Variants in DPYD observed in about 807,000 individuals in gnomAD.
DPYD encodes the protein dihydropyrimidine dehydrogenase, also known as dihydropyrimidine dehydrogenase [NADP(+)].
A neutral mutation model predicts 116.2 loss-of-function variants in DPYD; 109 were observed. The ratio of observed to expected loss-of-function variants is 0.94; its 90% CI spans 0.80 to 1.10. The LOEUF is 1.10. Among genes scored for constraint, DPYD ranks in the 50% least tolerant of loss-of-function variants. The pLI is 0.00. For missense variants in DPYD, 1,302 were observed against 1,254.5 expected, an observed-to-expected ratio of 1.04 and a Z score of -0.57; for synonymous variants, 440 against 432.0, an observed-to-expected ratio of 1.02 and a Z score of -0.23.
chr1:97,744,822 C>A lies in DPYD; in HGVS notation c.234-4343G>T, dbSNP rs552922523. Among the ~76,000 whole-genome samples, 182 of 151,938 alleles carry A rather than the reference C, an allele frequency of 1.2e-3. 1 individual carries two copies. Among genetic ancestry groups the A allele is most frequent in the Admixed American group, 2.6e-3 (40 of 15,222 alleles). ...TGCAACATGTCTACTGAAAACTGAG[C>A]AGAATCAACTATCAGGTTGAAAAGA... is the stretch of plus-strand genomic sequence containing the variant. On this transcript the variant is annotated intron_variant, in intron 3 of 22. Transcript: ENST00000370192.
intron 20 of DPYD, among the ~76,000 whole-genome samples, chr1:97,140,028 T>G (rs11586728): frequency 0.27 from 40,690 of 151,812 alleles, 6,053 homozygotes; most frequent in East Asian, 0.59. Flanking sequence ...TGACATTTTT[T>G]TTTTTTTTTA....
intron 10 of DPYD, among the ~76,000 whole-genome samples, chr1:97,592,478 T>C (rs1654589538): frequency 6.6e-6 from 1 of 152,182 alleles, no homozygotes; most frequent in Non-Finnish European, 1.5e-5. Flanking sequence ...GCCATTCTCC[T>C]GCCTCAGCCT....
chr1:97,724,917 A>AAG (rs1414036617), intron 4 of DPYD, among the ~76,000 whole-genome samples: 3 of 138,798 alleles, frequency 2.2e-5, no homozygotes, highest in Non-Finnish European at 3.1e-5. Context: ...GATAGAGAAG[A>AAG]AGAGAGAGAG....
chr1:97,185,501 C>T (rs1442323262), intron 20 of DPYD, among the ~76,000 whole-genome samples: 1 of 152,058 alleles, frequency 6.6e-6, no homozygotes, highest in African/African-American at 2.4e-5. Flanking sequence ...GAAATGAAAA[C>T]ATGTTCACAA....
intron 20 of DPYD, among the ~76,000 whole-genome samples, chr1:97,149,670 T>C (rs993987291): frequency 5.9e-5 from 9 of 152,174 alleles, no homozygotes; most frequent in African/African-American, 2.2e-4. Flanking sequence ...AAAGTAAAAA[T>C]CCAAGCCTCC....
chr1:97,578,403 A>G (rs1314072197), intron 10 of DPYD, among the ~76,000 whole-genome samples: 2 of 152,094 alleles, frequency 1.3e-5, no homozygotes, highest in African/African-American at 4.8e-5. Context: ...ACTGGGCATC[A>G]TCATGATTTT....
At chr1:97,911,139 G>A (rs899034759) in intron 1 of DPYD, among the ~76,000 whole-genome samples, 1 of 151,990 alleles carries the variant, frequency 6.6e-6, no homozygotes, top group African/African-American at 2.4e-5. Flanking sequence ...GCTGCTAGCA[G>A]CTATATTAAT....
chr1:97,907,593 A>G (rs1009263100), intron 1 of DPYD, among the ~76,000 whole-genome samples: 25 of 152,094 alleles, frequency 1.6e-4, no homozygotes, highest in African/African-American at 5.8e-4. Flanking sequence ...TTCAACTACA[A>G]AAATTTGAAT....
At chr1:97,088,665 T>C (rs1649690557) in intron 21 of DPYD, among the ~76,000 whole-genome samples, 1 of 152,122 alleles carries the variant, frequency 6.6e-6, no homozygotes, top group Non-Finnish European at 1.5e-5. Flanking sequence ...CATGCATGTG[T>C]ATAATTTTTT....
chr1:97,882,107 T>G (rs1176898708), intron 2 of DPYD, among the ~76,000 whole-genome samples: 1 of 151,956 alleles, frequency 6.6e-6, no homozygotes, highest in Non-Finnish European at 1.5e-5. Flanking sequence ...CGTCATGGCT[T>G]GTAAGTGGCC....
At chr1:97,775,701 C>G (rs561297542) in intron 3 of DPYD, among the ~76,000 whole-genome samples, 1 of 152,118 alleles carries the variant, frequency 6.6e-6, no homozygotes, top group Non-Finnish European at 1.5e-5. Context: ...AATCTGTCTT[C>G]CTCCTCAGGA....
At chr1:97,794,561 T>A (rs1196612842) in intron 3 of DPYD, among the ~76,000 whole-genome samples, 1 of 152,198 alleles carries the variant, frequency 6.6e-6, no homozygotes, top group African/African-American at 2.4e-5. Flanking sequence ...AAATCTCTAT[T>A]TTAAAAAGCT....
chr1:97,571,061 G>A (rs2786543), intron 11 of DPYD, among the ~76,000 whole-genome samples: 18,387 of 151,994 alleles, frequency 0.12, 1,241 homozygotes, highest in Middle Eastern at 0.15. Context: ...TCATTTATAT[G>A]TCTTGAGGAA....
At chr1:97,822,985 T>C (rs1188508208) in intron 3 of DPYD, among the ~76,000 whole-genome samples, 4 of 152,226 alleles carry the variant, frequency 2.6e-5, no homozygotes, top group African/African-American at 9.6e-5. Flanking sequence ...CCCATTTGCA[T>C]AAGTTTTTTA....
At chr1:97,195,519 G>GGA (rs3050245) in intron 19 of DPYD, among the ~76,000 whole-genome samples, 1,200 of 74,988 alleles carry the variant, frequency 0.016, 35 homozygotes, top group African/African-American at 0.026. Context: ...AATGGGATAA[G>GGA]GAGAGAGAGA....
At chr1:97,762,372 GTTA>G (rs1239090224) in intron 3 of DPYD, among the ~76,000 whole-genome samples, 3 of 152,046 alleles carry the variant, frequency 2.0e-5, no homozygotes, top group African/African-American at 7.2e-5. Flanking sequence ...AGCCATTAAG[GTTA>G]TTATTCAGAG....
At chr1:97,824,927 TCA>T (rs1491136066) in intron 3 of DPYD, among the ~76,000 whole-genome samples, 2 of 152,084 alleles carry the variant, frequency 1.3e-5, no homozygotes, top group Non-Finnish European at 2.9e-5. Context: ...ACATCAACTC[TCA>T]GTCTTTTCCT....
intron 18 of DPYD, among the ~76,000 whole-genome samples, chr1:97,274,871 A>G (rs932196249): frequency 6.6e-6 from 1 of 152,142 alleles, no homozygotes; most frequent in Non-Finnish European, 1.5e-5. Context: ...CCTGAAGTTC[A>G]CAGATAAGAA....
chr1:97,740,600 T>A, intron 3 of DPYD, 121 bp from the exon 4 acceptor site: 1 of 863,346 alleles, frequency 1.2e-6, no homozygotes. Context: ...CATTTTTAGG[T>A]ACAAAACATT....
Sources: allele counts gnomAD v4.1 joint callset (sites outside exome capture counted in the v4.1 genomes callset), GRCh38; gene constraint gnomAD v4.1.1; transcripts MANE v1.5; gene names NCBI Gene and HGNC (gene_info 2026-07-23, HGNC 2026-07-21).